INPP4B: variants seen among roughly 807,000 people sequenced by gnomAD.
The protein encoded by INPP4B is inositol polyphosphate-4-phosphatase type II B, also known as inositol polyphosphate 4-phosphatase type II.
Under a neutral mutation model 122.5 loss-of-function variants are expected in INPP4B, and 55 were observed. That is an observed-to-expected ratio of 0.45 (90% CI 0.36 to 0.56). The LOEUF is 0.56. Ranked by LOEUF, INPP4B falls within the 20% of genes least tolerant of loss-of-function variation. The pLI, the probability that INPP4B is intolerant of heterozygous loss-of-function variation, is 0.00. For missense variants in INPP4B, 1,000 were observed against 1,097.7 expected, an observed-to-expected ratio of 0.91 and a Z score of 1.26; for synonymous variants, 403 against 388.7, an observed-to-expected ratio of 1.04 and a Z score of -0.43.
chr4:142,759,606 G>A (rs1467712692), intron 1 of INPP4B, among the ~76,000 whole-genome samples: 1 of 151,820 alleles, frequency 6.6e-6, no homozygotes, highest in Non-Finnish European at 1.5e-5. Flanking sequence ...TTTTGTATGT[G>A]TCTCATTTCT....
chr4:142,662,996 T>C (rs190721004), intron 2 of INPP4B, among the ~76,000 whole-genome samples: 2 of 152,286 alleles, frequency 1.3e-5, no homozygotes, highest in African/African-American at 4.8e-5. Flanking sequence ...ATAGTCACAT[T>C]TTTCCTAAGT....
At chr4:142,287,348 TA>T (rs1368512729) in intron 9 of INPP4B, 1 of 152,236 alleles carries the variant, frequency 6.6e-6, no homozygotes, top group Admixed American at 6.5e-5. Context: ...TAGCTGCATC[TA>T]AATACAAAAT....
intron 1 of INPP4B, among the ~76,000 whole-genome samples, chr4:142,774,201 A>G (rs555142274): frequency 1.3e-4 from 20 of 152,216 alleles, no homozygotes; most frequent in African/African-American, 4.6e-4. Context: ...GGATGTCATA[A>G]GTAAATAACT....
At chr4:142,268,019 A>T (rs1373422590) in intron 10 of INPP4B, among the ~76,000 whole-genome samples, 1 of 151,970 alleles carries the variant, frequency 6.6e-6, no homozygotes, top group Non-Finnish European at 1.5e-5. Flanking sequence ...TGTCAGAATG[A>T]CTATTATCAA....
chr4:142,812,448 G>A (rs1779625958), intron 1 of INPP4B, among the ~76,000 whole-genome samples: 1 of 152,064 alleles, frequency 6.6e-6, no homozygotes. Context: ...TTAGAAAATA[G>A]TATTGTGCAT....
chr4:142,043,789 C>T (rs754397061), intron 25 of INPP4B, among the ~76,000 whole-genome samples: 29 of 152,120 alleles, frequency 1.9e-4, no homozygotes, highest in Non-Finnish European at 4.0e-4. Context: ...ACATCATTCT[C>T]TAGATGTAGG....
intron 2 of INPP4B, among the ~76,000 whole-genome samples, chr4:142,491,256 G>T (rs1439040032): frequency 6.6e-6 from 1 of 152,000 alleles, no homozygotes; most frequent in African/African-American, 2.4e-5. Context: ...ACTCAAAATG[G>T]ATTAAAAACT....
At chr4:142,539,562 A>T (rs906688647) in intron 2 of INPP4B, among the ~76,000 whole-genome samples, 1 of 151,882 alleles carries the variant, frequency 6.6e-6, no homozygotes, top group Non-Finnish European at 1.5e-5. Flanking sequence ...ATTATTTCTT[A>T]TACTGAATCT....
chr4:142,573,400 T>C (rs1733236008), intron 2 of INPP4B, among the ~76,000 whole-genome samples: 1 of 152,088 alleles, frequency 6.6e-6, no homozygotes, highest in Non-Finnish European at 1.5e-5. Flanking sequence ...ATTTAGGTCT[T>C]GCATCCATAT....
intron 7 of INPP4B, among the ~76,000 whole-genome samples, chr4:142,335,351 G>GT: frequency 6.6e-6 from 1 of 152,022 alleles, no homozygotes; most frequent in East Asian, 1.9e-4. Context: ...GTCAGTTCTG[G>GT]TCCTGTTATT....
chr4:142,482,509 T>C (rs1299171255), intron 2 of INPP4B, among the ~76,000 whole-genome samples: 3 of 152,166 alleles, frequency 2.0e-5, no homozygotes, highest in Non-Finnish European at 4.4e-5. Context: ...ACAAAATGTA[T>C]TGATCACCAT....
At chr4:142,367,434 C>A (rs1787969931) in intron 7 of INPP4B, among the ~76,000 whole-genome samples, 1 of 152,024 alleles carries the variant, frequency 6.6e-6, no homozygotes, top group African/African-American at 2.4e-5. Flanking sequence ...ACATATGGAA[C>A]TCTTAGTATG....
rs528727996 is a variant in INPP4B, at chr4:142,254,295, G to A, written c.688+6197C>T. On this transcript the variant is annotated intron_variant, in intron 11 of 25. Coordinates refer to ENST00000262992, the MANE Select transcript of INPP4B (RefSeq NM_001101669.3). ...AACTGGAAACTCTAAAAAGCAGAGC[G>A]CCTCTCCTCCTCCAAAGGAATGCAG... Among the ~76,000 whole-genome samples, 322 of 145,718 alleles carry A rather than the reference G, an allele frequency of 2.2e-3. 3 individuals carry two copies. Among genetic ancestry groups the A allele is most frequent in the African/African-American group, 2.8e-3 (111 of 40,252 alleles).
At chr4:142,123,546 G>T in intron 19 of INPP4B, 131 bp from the exon 20 acceptor site, 1 of 819,012 alleles carries the variant, frequency 1.2e-6, no homozygotes, top group Non-Finnish European at 1.9e-6. Flanking sequence ...CAACTATTTG[G>T]TAGGCATAGT....
rs1797397510 is a variant in INPP4B, at chr4:142,123,430, T to C, written c.1894-15A>G. The C allele has an allele frequency of 1.9e-6, 3 of 1,607,742 alleles. No homozygotes were observed. The highest frequency in any genetic ancestry group is 1.7e-5 in the Admixed American group (1 of 58,830). Reference sequence around the variant, plus strand: ...AATCCAGCAAGCTGAAAAAAAAATATTGATGAGATTTACTGCAGTTAGCAA... The same window carrying C: ...AATCCAGCAAGCTGAAAAAAAAATACTGATGAGATTTACTGCAGTTAGCAA... On this transcript the variant is annotated splice_polypyrimidine_tract_variant and intron_variant, in intron 19 of 25. Coordinates refer to ENST00000262992, the MANE Select transcript of INPP4B (RefSeq NM_001101669.3).
chr4:142,341,950 C>T lies in INPP4B; in HGVS notation c.373-27188G>A, dbSNP rs564885293. 5.9e-5 allele frequency among the ~76,000 whole-genome samples: 9 copies of T among 152,206 alleles called. 1 individual carries two copies. The highest frequency in any genetic ancestry group is 3.3e-4 in the Admixed American group (5 of 15,288). The stretch of plus-strand genomic sequence containing the variant: ...TAAGCCTCCAGATGAGAACATAGCC[C>T]GTTCAACACCTTGACTATAGCCTTG... On this transcript the variant is annotated intron_variant, in intron 7 of 25. Coordinates refer to ENST00000262992, the MANE Select transcript of INPP4B (RefSeq NM_001101669.3).
At chr4:142,176,758 T>A (rs1173901238) in intron 15 of INPP4B, among the ~76,000 whole-genome samples, 1 of 152,114 alleles carries the variant, frequency 6.6e-6, no homozygotes, top group African/African-American at 2.4e-5. Flanking sequence ...GTGACAAGCA[T>A]CTCCAGAGAT....
At chr4:142,205,153 C>T (rs1365414187) in intron 14 of INPP4B, among the ~76,000 whole-genome samples, 1 of 152,080 alleles carries the variant, frequency 6.6e-6, no homozygotes, top group East Asian at 1.9e-4. Context: ...CAGCATAGTA[C>T]ATGGTTCTTT....
In INPP4B at chr4:142,175,785, T is replaced by C. The variant is rs542563802; in HGVS notation, c.1182-1976A>G. Among the ~76,000 whole-genome samples, 4 of 152,218 alleles carry C rather than the reference T, an allele frequency of 2.6e-5. No individual in the cohort carries two copies. The East Asian group carries it at 7.8e-4, about 30-fold the overall frequency. ...CAGGCTGGATGTAAAGTTTAATCCG[T>C]AACAGACTTTAATAAATCAAACAGC... On this transcript the variant is annotated intron_variant, in intron 15 of 25. Transcript: ENST00000262992.
Sources: allele counts gnomAD v4.1 joint callset (sites outside exome capture counted in the v4.1 genomes callset), GRCh38; gene constraint gnomAD v4.1.1; transcripts MANE v1.5; gene names NCBI Gene and HGNC (gene_info 2026-07-23, HGNC 2026-07-21).